Variants in SVIL observed in about 807,000 individuals in gnomAD.
The protein encoded by SVIL is archvillin.
Under a neutral mutation model 240.4 loss-of-function variants are expected in SVIL, and 101 were observed. That is an observed-to-expected ratio of 0.42 (90% confidence interval 0.36 to 0.50). SVIL has a LOEUF of 0.50. SVIL is among the 20% of genes least tolerant of loss of function. The probability of loss-of-function intolerance (pLI) is 0.01; values close to 1 mark genes in which losing one functional copy is unlikely to be tolerated. For missense variants in SVIL, 2,512 were observed against 2,818.7 expected, an observed-to-expected ratio of 0.89 and a Z score of 2.46; for synonymous variants, 999 against 1,100.0, an observed-to-expected ratio of 0.91 and a Z score of 1.82.
chr10:29,668,375 A>T (rs1242325873), intron 2 of SVIL, among the ~76,000 whole-genome samples: 1 of 152,194 alleles, frequency 6.6e-6, no homozygotes, highest in African/African-American at 2.4e-5. Flanking sequence ...AAAACCACTA[A>T]CTCACTGAAA....
chr10:29,470,591 G>GTCCCCTAAGTCCCT, intron 31 of SVIL, 108 bp from the exon 32 acceptor site: 1 of 1,307,610 alleles, frequency 7.6e-7, no homozygotes, highest in Non-Finnish European at 1.1e-6. Context: ...CCTCCGTCCA[G>GTCCCCTAAGTCCCT]GGCCAGGGAC....
chr10:29,520,171 A>C (rs1950468692), intron 16 of SVIL, among the ~76,000 whole-genome samples: 1 of 152,240 alleles, frequency 6.6e-6, no homozygotes, highest in Admixed American at 6.5e-5. Flanking sequence ...CTCCTTTAAA[A>C]GCCTTTGAAA....
At chr10:29,676,944 C>G (rs1393550156) in intron 2 of SVIL, among the ~76,000 whole-genome samples, 1 of 152,146 alleles carries the variant, frequency 6.6e-6, no homozygotes, top group Non-Finnish European at 1.5e-5. Context: ...ACCCATCTGC[C>G]TCCTAGACTA....
At chr10:29,666,076 C>T (rs1959263989) in intron 2 of SVIL, among the ~76,000 whole-genome samples, 1 of 152,150 alleles carries the variant, frequency 6.6e-6, no homozygotes, top group African/African-American at 2.4e-5. Context: ...TGCCATCATG[C>T]CTGGCTAATT....
intron 1 of SVIL, among the ~76,000 whole-genome samples, chr10:29,734,723 G>A (rs1311920200): frequency 6.6e-6 from 1 of 152,134 alleles, no homozygotes; most frequent in Non-Finnish European, 1.5e-5. Flanking sequence ...CAAGCAGAAC[G>A]TCCTGGGTTT....
intron 6 of SVIL, among the ~76,000 whole-genome samples, chr10:29,546,879 GC>G (rs1952742385): frequency 6.6e-6 from 1 of 152,188 alleles, no homozygotes; most frequent in Non-Finnish European, 1.5e-5. Flanking sequence ...ACAAGAGAGT[GC>G]AGCAGTGAGA....
intron 34 of SVIL, among the ~76,000 whole-genome samples, 174 bp from the exon 35 acceptor site, chr10:29,463,809 C>T (rs962140593): frequency 5.9e-5 from 9 of 152,218 alleles, no homozygotes; most frequent in Non-Finnish European, 1.2e-4. Flanking sequence ...CAGGATACCC[C>T]AGCCCTTTGA....
At chr10:29,464,115 GCT>G (rs986969921) in intron 34 of SVIL, among the ~76,000 whole-genome samples, 32 of 152,286 alleles carry the variant, frequency 2.1e-4, no homozygotes, top group African/African-American at 7.5e-4. Flanking sequence ...TGAGCTCATG[GCT>G]CTCTTACAGA....
intron 37 of SVIL, 46 bp downstream of exon 37, chr10:29,458,388 T>A: frequency 1.2e-6 from 2 of 1,601,094 alleles, no homozygotes; most frequent in South Asian, 2.2e-5. Context: ...CGGGCGTGCG[T>A]GTGTTGTTTT....
rs1366254776 is a variant in SVIL, at chr10:29,561,414, G to A, written c.-51+1787C>T. On this transcript the variant is annotated intron_variant, in intron 3 of 37. Coordinates refer to ENST00000355867, the MANE Select transcript of SVIL (RefSeq NM_021738.3). ...ATTATGCATCAAATAAAGGAACTGG[G>A]ATAGAGGAAGGGAAAGAGGGATGCT... is the stretch of plus-strand genomic sequence containing the variant. Among the ~76,000 whole-genome samples, 5 of 152,158 alleles carry A rather than the reference G, an allele frequency of 3.3e-5. No individual in the cohort carries two copies. In the East Asian group the frequency reaches 9.6e-4, roughly 29 times the overall value.
intron 2 of SVIL, among the ~76,000 whole-genome samples, chr10:29,679,305 A>C (rs1446562680): frequency 3.3e-5 from 5 of 152,212 alleles, no homozygotes; most frequent in Non-Finnish European, 7.3e-5. Context: ...TAAATTCTCA[A>C]ATGTCATGGT....
At chr10:29,622,662 AC>A (rs1306247983) in intron 1 of SVIL, among the ~76,000 whole-genome samples, 5 of 152,168 alleles carry the variant, frequency 3.3e-5, no homozygotes, top group Non-Finnish European at 7.3e-5. Flanking sequence ...GAAAGCAAAA[AC>A]AAACAAAACG....
At chr10:29,609,588 C>T (rs1367850973) in intron 1 of SVIL, among the ~76,000 whole-genome samples, 1 of 152,262 alleles carries the variant, frequency 6.6e-6, no homozygotes, top group Non-Finnish European at 1.5e-5. Flanking sequence ...CTGTGACATG[C>T]TGTAACACCT....
chr10:29,617,840 G>C lies in SVIL; in HGVS notation c.-201+16580C>G, dbSNP rs1427066487. 1.3e-5 allele frequency among the ~76,000 whole-genome samples: 2 copies of C among 152,100 alleles called. 1 individual carries two copies. The highest frequency in any genetic ancestry group is 4.8e-5 in the African/African-American group (2 of 41,408). On this transcript the variant is annotated intron_variant, in intron 1 of 37. Coordinates refer to ENST00000355867, the MANE Select transcript of SVIL (RefSeq NM_021738.3). ...ATGGAACAATAGAAATAATAAAGCC[G>C]GCCAATGCAGGCCAAATTTGACAGC... is the stretch of plus-strand genomic sequence containing the variant.
chr10:29,530,836 G>A (rs1951310084), intron 10 of SVIL, among the ~76,000 whole-genome samples, 168 bp from the exon 11 acceptor site: 1 of 152,220 alleles, frequency 6.6e-6, no homozygotes, highest in Non-Finnish European at 1.5e-5. Flanking sequence ...TTTCTGCTCA[G>A]TGAAAAGGTA....
At chr10:29,471,439 G>A (rs770315561) in intron 30 of SVIL, among the ~76,000 whole-genome samples, 196 bp from the exon 31 acceptor site, 2 of 152,150 alleles carry the variant, frequency 1.3e-5, no homozygotes, top group Non-Finnish European at 2.9e-5. Context: ...CTCAGGGAGG[G>A]TCTTCTTTTC....
chr10:29,575,152 C>T (rs1955632686), intron 1 of SVIL, among the ~76,000 whole-genome samples: 1 of 152,230 alleles, frequency 6.6e-6, no homozygotes, highest in Admixed American at 6.5e-5. Flanking sequence ...TGTGAATGAA[C>T]TCAAGGGTGT....
At chr10:29,486,809 A>G (rs1947446878) in intron 24 of SVIL, among the ~76,000 whole-genome samples, 1 of 152,212 alleles carries the variant, frequency 6.6e-6, no homozygotes, top group African/African-American at 2.4e-5. Context: ...TTTAAAAAAC[A>G]CTATTCTTTG....
chr10:29,702,558 T>C (rs1962601689), intron 1 of SVIL, among the ~76,000 whole-genome samples: 1 of 152,090 alleles, frequency 6.6e-6, no homozygotes, highest in Admixed American at 6.6e-5. Flanking sequence ...GTTCACGAGG[T>C]TTATCAGATG....
Sources: allele counts gnomAD v4.1 joint callset (sites outside exome capture counted in the v4.1 genomes callset), GRCh38; gene constraint gnomAD v4.1.1; transcripts MANE v1.5; gene names NCBI Gene and HGNC (gene_info 2026-07-23, HGNC 2026-07-21).